The following PID1 variants were observed in gnomAD, a reference collection of about 807,000 sequenced individuals.
The protein encoded by PID1 is PTB-containing, cubilin and LRP1-interacting protein.
Under a neutral mutation model 19.1 loss-of-function variants are expected in PID1, and 10 were observed. The ratio of observed to expected loss-of-function variants is 0.52; its 90% CI spans 0.32 to 0.89. PID1 has a LOEUF of 0.89. Ranked by LOEUF, PID1 falls within the 40% of genes least tolerant of loss-of-function variation. The probability of loss-of-function intolerance (pLI) is 0.03; values close to 1 mark genes in which losing one functional copy is unlikely to be tolerated. For synonymous variants in PID1, 130 were observed against 116.0 expected (o/e 1.12, Z -0.78); for missense variants, 248 against 285.3 (o/e 0.87, Z 0.94).
At chr2:229,104,271 G>A (rs1027624362) in intron 2 of PID1, among the ~76,000 whole-genome samples, 2 of 151,978 alleles carry the variant, frequency 1.3e-5, no homozygotes, top group Non-Finnish European at 2.9e-5. Flanking sequence ...GTCTTTGTGG[G>A]GTAAGTATGA....
chr2:229,156,618 T>G (rs1403425392), intron 1 of PID1, among the ~76,000 whole-genome samples: 1 of 152,190 alleles, frequency 6.6e-6, no homozygotes, highest in Non-Finnish European at 1.5e-5. Flanking sequence ...TTCCTTGGTC[T>G]ATGATAATGA....
intron 1 of PID1, among the ~76,000 whole-genome samples, chr2:229,172,646 T>C (rs921211076): frequency 6.6e-6 from 1 of 152,198 alleles, no homozygotes; most frequent in African/African-American, 2.4e-5. Flanking sequence ...ATCTCTTAAT[T>C]ACCTCTGTAA....
chr2:229,163,680 T>TGTGCGCGCGCGCGC (rs1365270238), intron 1 of PID1, among the ~76,000 whole-genome samples: 17 of 103,810 alleles, frequency 1.6e-4, no homozygotes, highest in African/African-American at 4.8e-4. Context: ...TGTGTGCGTG[T>TGTGCGCGCGCGCGC]GCGTGTGTGT....
At chr2:229,198,546 A>T (rs1435150645) in intron 1 of PID1, among the ~76,000 whole-genome samples, 1 of 152,064 alleles carries the variant, frequency 6.6e-6, no homozygotes, top group Non-Finnish European at 1.5e-5. Flanking sequence ...AGGATCTTGA[A>T]ATTGATATGT....
At chr2:229,242,891 T>A (rs932043588) in intron 1 of PID1, among the ~76,000 whole-genome samples, 1 of 152,142 alleles carries the variant, frequency 6.6e-6, no homozygotes, top group African/African-American at 2.4e-5. Context: ...CCTCATGTGA[T>A]GTGCTCACTC....
chr2:229,211,855 C>T (rs911454569), intron 1 of PID1, among the ~76,000 whole-genome samples: 3 of 152,188 alleles, frequency 2.0e-5, no homozygotes, highest in African/African-American at 2.4e-5. Context: ...ACAATATATT[C>T]GCAAATTCCA....
chr2:229,199,745 TAC>T (rs1553576024), intron 1 of PID1, among the ~76,000 whole-genome samples: 3 of 122,536 alleles, frequency 2.4e-5, no homozygotes, highest in African/African-American at 8.7e-5. Context: ...TATATATATA[TAC>T]ACATACACAC....
At chr2:229,188,145 C>T (rs1691175774) in intron 1 of PID1, among the ~76,000 whole-genome samples, 1 of 152,080 alleles carries the variant, frequency 6.6e-6, no homozygotes, top group African/African-American at 2.4e-5. Flanking sequence ...GACATTCATT[C>T]TCTCCAGGTT....
At chr2:229,043,652 C>A (rs1693817842) in intron 2 of PID1, among the ~76,000 whole-genome samples, 1 of 152,100 alleles carries the variant, frequency 6.6e-6, no homozygotes, top group Non-Finnish European at 1.5e-5. Flanking sequence ...TCAAGAAGCA[C>A]CTTCTCAGTG....
At chr2:229,179,093 C>T (rs566330650) in intron 1 of PID1, among the ~76,000 whole-genome samples, 1 of 152,180 alleles carries the variant, frequency 6.6e-6, no homozygotes, top group Admixed American at 6.5e-5. Context: ...AAATTTCACT[C>T]CCCTCTTGGT....
chr2:229,055,174 G>A (rs1014980866), intron 2 of PID1, among the ~76,000 whole-genome samples: 4 of 152,152 alleles, frequency 2.6e-5, no homozygotes, highest in Non-Finnish European at 5.9e-5. Flanking sequence ...AATAACAGGT[G>A]AAACATGCAT....
At chr2:229,245,392 G>T (rs553266334) in intron 1 of PID1, among the ~76,000 whole-genome samples, 1 of 152,066 alleles carries the variant, frequency 6.6e-6, no homozygotes, top group Non-Finnish European at 1.5e-5. Context: ...AGTGAAAAAG[G>T]CAACTTGTAT....
intron 2 of PID1, among the ~76,000 whole-genome samples, chr2:229,088,299 A>G (rs1694808028): frequency 6.6e-6 from 1 of 152,170 alleles, no homozygotes; most frequent in Non-Finnish European, 1.5e-5. Flanking sequence ...CCGAGCAACT[A>G]CTGTAAGCCA....
rs771738901 is a variant in PID1, at chr2:229,139,079, GAA to G, written c.177+16737_177+16738del. Among the ~76,000 whole-genome samples, 68 of 61,086 alleles carry G rather than the reference GAA, an allele frequency of 1.1e-3. 1 individual carries two copies. Among genetic ancestry groups the G allele is most frequent in the African/African-American group, 3.5e-3 (43 of 12,404 alleles). 40.1% of individuals were successfully genotyped at this position (61,086 alleles called of 152,430 possible). ...AAAGAGAAAGAAAGAAAGAAAGAAA[GAA>G]AGAAAGAAAGAAAGAAAGAAAGAAA... On this transcript the variant is annotated intron_variant, in intron 2 of 2. Transcript: ENST00000392055.
intron 1 of PID1, among the ~76,000 whole-genome samples, chr2:229,182,871 T>C (rs1178606316): frequency 6.6e-6 from 1 of 152,236 alleles, no homozygotes; most frequent in African/African-American, 2.4e-5. Flanking sequence ...CAGTTCAGGC[T>C]GCTCAGCATT....
At chr2:229,242,638 C>A (rs1689899112) in intron 1 of PID1, among the ~76,000 whole-genome samples, 1 of 152,094 alleles carries the variant, frequency 6.6e-6, no homozygotes, top group Non-Finnish European at 1.5e-5. Context: ...CATCTTCATC[C>A]CCTTTTGCCT....
intron 2 of PID1, among the ~76,000 whole-genome samples, chr2:229,127,830 A>G (rs867522124): frequency 5.3e-5 from 8 of 152,294 alleles, no homozygotes; most frequent in Middle Eastern, 3.4e-3. Context: ...GAAAACACCT[A>G]TATGCAGAGA....
chr2:229,255,313 G>T (rs140008448), intron 1 of PID1, among the ~76,000 whole-genome samples: 1 of 152,170 alleles, frequency 6.6e-6, no homozygotes, highest in Non-Finnish European at 1.5e-5. Flanking sequence ...GTAACTGCAG[G>T]AAATGGGTAG....
intron 1 of PID1, among the ~76,000 whole-genome samples, chr2:229,266,941 T>C (rs1050628914): frequency 3.3e-5 from 5 of 152,210 alleles, no homozygotes; most frequent in East Asian, 1.9e-4. Context: ...CCAGGGCTAA[T>C]GGTCTCCAGT....
Sources: gnomAD v4.1 joint callset for allele counts (sites outside exome capture counted in the v4.1 genomes callset) on GRCh38, gnomAD v4.1.1 for gene constraint, MANE v1.5 for transcripts, NCBI Gene and HGNC (gene_info 2026-07-23, HGNC 2026-07-21) for gene names.